The following PLEKHM2 variants were observed in gnomAD, a reference collection of about 807,000 sequenced individuals.
The protein encoded by PLEKHM2 is pleckstrin homology domain-containing family M member 2.
In PLEKHM2, 77 loss-of-function variants were observed where a neutral mutation model predicts 116.3. The observed-to-expected ratio is 0.66, with a 90% CI of 0.55 to 0.80. PLEKHM2 has a LOEUF of 0.80. Ranked by LOEUF, PLEKHM2 falls within the 30% of genes least tolerant of loss-of-function variation. The probability of loss-of-function intolerance (pLI) is 0.00; values close to 1 mark genes in which losing one functional copy is unlikely to be tolerated. For synonymous variants in PLEKHM2, 562 were observed against 571.0 expected (o/e 0.98, Z 0.22); for missense variants, 1,183 against 1,354.9 (o/e 0.87, Z 1.99).
In PLEKHM2 at chr1:15,711,394, T is replaced by G. The variant is rs1409764326; in HGVS notation, c.61-4843T>G. On this transcript the variant is annotated intron_variant, in intron 1 of 19. Coordinates refer to ENST00000375799, the MANE Select transcript of PLEKHM2 (RefSeq NM_015164.4). ...ACTTTGGGAGGCTGAGGTGGGCAGA[T>G]CTCTTGAGCTCAGGAGTTCGAGACC... is the stretch of plus-strand genomic sequence containing the variant. 2.0e-5 allele frequency among the ~76,000 whole-genome samples: 3 copies of G among 151,828 alleles called. No homozygotes were observed. The East Asian group carries it at 5.8e-4, about 29-fold the overall frequency.
At chr1:15,732,220 C>A in intron 17 of PLEKHM2, 130 bp from the exon 18 acceptor site, 1 of 972,410 alleles carries the variant, frequency 1.0e-6, no homozygotes. Flanking sequence ...ATCCCCGCCT[C>A]TGCTCCCGAT....
chr1:15,701,248 A>G (rs999713810), intron 1 of PLEKHM2, among the ~76,000 whole-genome samples: 4 of 151,286 alleles, frequency 2.6e-5, no homozygotes, highest in African/African-American at 9.7e-5. Context: ...CCTGACCAAT[A>G]TGGTGAAACC....
intron 1 of PLEKHM2, among the ~76,000 whole-genome samples, chr1:15,693,550 C>T (rs1362689394): frequency 6.6e-6 from 1 of 152,178 alleles, no homozygotes; most frequent in East Asian, 1.9e-4. Context: ...CAGAAACTCA[C>T]TGGGGTTTAA....
rs570856428 is a variant in PLEKHM2 at position 15,706,735 on chromosome 1, C to A, written c.61-9502C>A. On this transcript the variant is annotated intron_variant, in intron 1 of 19. Coordinates refer to ENST00000375799, the MANE Select transcript of PLEKHM2 (RefSeq NM_015164.4). ...GTATTTATTTTTTTCCCTCTGGGGG[C>A]TCCGTATTTATAACAGATTTCCACA... Among the ~76,000 whole-genome samples, 13 of 152,228 alleles carry A rather than the reference C, an allele frequency of 8.5e-5. No individual in the cohort carries two copies. In the South Asian group the frequency reaches 2.5e-3, roughly 29 times the overall value.
At position 15,719,693 on chromosome 1, in the gene PLEKHM2, G is replaced by A. The variant is rs192995700; in HGVS notation, c.466-41G>A. ...TGCTGTCTGCAGAAGGCCGCTGCAC[G>A]AGGCCTCCCACCAAACGGGCCTCCT... On this transcript the variant is annotated intron_variant, in intron 5 of 19. Coordinates refer to ENST00000375799, the MANE Select transcript of PLEKHM2 (RefSeq NM_015164.4). This position sits in a 1 kb window ranked among gnomAD's most constrained non-coding sequence, Gnocchi z 4.1. 2.1e-4 allele frequency: 304 copies of A among 1,471,454 alleles called. No individual in the cohort carries two copies. The East Asian group carries it at 5.1e-3, about 25-fold the overall frequency. 91.1% of individuals were successfully genotyped at this position (1,471,454 alleles called of 1,614,324 possible). A position where few individuals can be genotyped will look rare whatever the true frequency, so the allele number is the denominator to read the frequency against.
intron 6 of PLEKHM2, chr1:15,720,202 G>A (rs560557891): frequency 1.4e-3 from 293 of 209,058 alleles, no homozygotes; most frequent in Non-Finnish European, 2.1e-3. Context: ...CTAGTCACAT[G>A]CCTGTGGCAG....
At chr1:15,694,149 C>T (rs1416594725) in intron 1 of PLEKHM2, among the ~76,000 whole-genome samples, 3 of 151,996 alleles carry the variant, frequency 2.0e-5, no homozygotes, top group Non-Finnish European at 2.9e-5. Flanking sequence ...ATCAGGAGTT[C>T]GAGACCAGCT....
At position 15,727,019 on chromosome 1, in the gene PLEKHM2, C is replaced by A. The variant is rs1267798976; in HGVS notation, c.947C>A (p.Thr316Asn). The A allele has an allele frequency of 6.8e-7, 1 of 1,471,504 alleles. No homozygotes were observed. The highest frequency in any genetic ancestry group is 2.4e-5 in the East Asian group (1 of 40,884). The allele number at this position is 1,471,504 out of a possible 1,614,324, so 91.2% of individuals were successfully genotyped here. Residue 316 changes from threonine to asparagine, a missense_variant, in exon 9 of 20, where the codon ACC (threonine) becomes AAC (asparagine). By Grantham distance (65) the Thr-to-Asn change is moderately conservative. Coordinates refer to ENST00000375799, the MANE Select transcript of PLEKHM2 (RefSeq NM_015164.4). This position sits in a 1 kb window ranked among gnomAD's most constrained non-coding sequence, Gnocchi z 7.5. ...CCCCGTCGTTACTGTCCCAGGGTCA[C>A]CAAGAAGAAGAAAATTGGCAAGAAG... ...ACTELEVIRV[T>N]KKKKIGKKKK...
At chr1:15,693,032 C>G (rs976292517) in intron 1 of PLEKHM2, among the ~76,000 whole-genome samples, 11 of 149,582 alleles carry the variant, frequency 7.4e-5, no homozygotes, top group Non-Finnish European at 1.3e-4. Flanking sequence ...AGCCACCGTG[C>G]CTAGCCACAC....
intron 8 of PLEKHM2, among the ~76,000 whole-genome samples, chr1:15,726,645 AG>A (rs1390389467): frequency 6.6e-6 from 1 of 152,172 alleles, no homozygotes; most frequent in Non-Finnish European, 1.5e-5. Flanking sequence ...CCACATCCGA[AG>A]GGGGGCTGAG....
chr1:15,719,840 G>T lies in PLEKHM2; in HGVS notation c.572G>T (p.Ser191Ile). Residue 191 changes from serine to isoleucine, a missense_variant, in exon 6 of 20, where the codon AGT (serine) becomes ATT (isoleucine). Ser to Ile is a moderately radical substitution (Grantham distance 142). This residue lies in a region of PLEKHM2 where 217 missense variants were observed against 277.6 expected (regional missense o/e 0.78). Coordinates refer to ENST00000375799, the MANE Select transcript of PLEKHM2 (RefSeq NM_015164.4). This position sits in a 1 kb window ranked among gnomAD's most constrained non-coding sequence, Gnocchi z 4.1. ...CCCAGCTCGGTCCACGGCTCAGACA[G>T]TCTGTCCCTCAACTCTTTCAACTCC... ...RLPSSVHGSD[S>I]LSLNSFNSVT... The T allele has an allele frequency of 1.2e-6, 2 of 1,613,908 alleles. No individual in the cohort carries two copies.
intron 17 of PLEKHM2, 58 bp downstream of exon 17, chr1:15,732,106 G>T: frequency 6.6e-7 from 1 of 1,516,228 alleles, no homozygotes; most frequent in Non-Finnish European, 9.0e-7. Context: ...CAGACCCCCA[G>T]GGTCCCATCC....
At chr1:15,693,491 C>T (rs1238466633) in intron 1 of PLEKHM2, among the ~76,000 whole-genome samples, 1 of 152,188 alleles carries the variant, frequency 6.6e-6, no homozygotes. Flanking sequence ...TTGGCCATGG[C>T]TTAGGCCTAT....
Position 15,724,101 on chromosome 1 carries a change from G to A in PLEKHM2, c.713-1216G>A, listed in dbSNP as rs536079227. Among the ~76,000 whole-genome samples, 481 of 152,312 alleles carry A rather than the reference G, an allele frequency of 3.2e-3. 2 individuals carry two copies. Among genetic ancestry groups the A allele is most frequent in the Non-Finnish European group, 5.0e-3 (340 of 68,030 alleles). On this transcript the variant is annotated intron_variant, in intron 7 of 19. Transcript: ENST00000375799. ...AGTAACCAGGGGCAGATGGCTGGGT[G>A]GGGCGGGATGTCCAAGCCAGCTCCC...
intron 1 of PLEKHM2, among the ~76,000 whole-genome samples, chr1:15,708,304 C>T (rs534250017): frequency 6.6e-6 from 1 of 152,126 alleles, no homozygotes; most frequent in African/African-American, 2.4e-5. Flanking sequence ...GCAACCTCCA[C>T]CTCCCTGGTT....
intron 1 of PLEKHM2, among the ~76,000 whole-genome samples, chr1:15,713,941 G>GTTTT (rs566065077): frequency 9.6e-6 from 1 of 104,124 alleles, no homozygotes; most frequent in African/African-American, 3.6e-5. Context: ...GCCCAGCCCT[G>GTTTT]TTTTTTTTTT....
intron 1 of PLEKHM2, among the ~76,000 whole-genome samples, chr1:15,712,118 C>CAAAA (rs1005404755): frequency 1.9e-5 from 1 of 51,684 alleles, no homozygotes; most frequent in Non-Finnish European, 4.4e-5. Flanking sequence ...GATTCAGTCT[C>CAAAA]AAAAAAAAAA....
intron 1 of PLEKHM2, among the ~76,000 whole-genome samples, chr1:15,696,349 A>ATTGTT (rs994312960): frequency 1.3e-5 from 2 of 151,812 alleles, no homozygotes; most frequent in African/African-American, 4.8e-5. Flanking sequence ...ATTTGTTTTT[A>ATTGTT]TTGTTTTGTT....
intron 1 of PLEKHM2, among the ~76,000 whole-genome samples, chr1:15,686,941 C>T (rs1025917851): frequency 3.3e-5 from 5 of 151,650 alleles, no homozygotes; most frequent in East Asian, 2.0e-4. Flanking sequence ...TGAGCCACGG[C>T]GCCCAGCGTC....
Sources: gnomAD v4.1 joint callset for allele counts (sites outside exome capture counted in the v4.1 genomes callset) on GRCh38, gnomAD v4.1.1 for gene constraint, gnomAD v4.1.1 regional missense constraint, Gnocchi (gnomAD v3.1) non-coding constraint, MANE v1.5 for transcripts, NCBI Gene and HGNC (gene_info 2026-07-23, HGNC 2026-07-21) for gene names.